The following IL1R2 variants were observed in gnomAD, a reference collection of about 807,000 sequenced individuals.
IL1R2 encodes interleukin-1 receptor type 2.
Under a neutral mutation model 39.5 loss-of-function variants are expected in IL1R2, and 46 were observed. The ratio of observed to expected loss-of-function variants is 1.16; its 90% CI spans 0.92 to 1.49. IL1R2 has a LOEUF of 1.49. Among genes scored for constraint, IL1R2 ranks in the 40% most tolerant of loss-of-function variants. The pLI, the probability that IL1R2 is intolerant of heterozygous loss-of-function variation, is 0.00. For missense variants in IL1R2, 537 were observed against 502.0 expected, an observed-to-expected ratio of 1.07 and a Z score of -0.67; for synonymous variants, 207 against 189.6, an observed-to-expected ratio of 1.09 and a Z score of -0.75.
chr2:102,008,311 T>C (rs1676389597), intron 1 of IL1R2, among the ~76,000 whole-genome samples: 1 of 152,240 alleles, frequency 6.6e-6, no homozygotes, highest in Non-Finnish European at 1.5e-5. Flanking sequence ...CTCTAGGTGC[T>C]ACAAGGATTC....
intron 1 of IL1R2, among the ~76,000 whole-genome samples, chr2:101,995,741 A>T (rs1344902811): frequency 6.6e-6 from 1 of 152,202 alleles, no homozygotes; most frequent in African/African-American, 2.4e-5. Context: ...CAGCATCGTC[A>T]TGGGTTAACT....
At chr2:101,993,727 T>C (rs1017386189) in intron 1 of IL1R2, among the ~76,000 whole-genome samples, 6 of 152,182 alleles carry the variant, frequency 3.9e-5, no homozygotes, top group African/African-American at 1.4e-4. Flanking sequence ...TTCTCTTTAA[T>C]TGCATTCCCT....
intron 2 of IL1R2, 63 bp downstream of exon 2, chr2:102,008,705 A>G: frequency 1.4e-6 from 2 of 1,400,888 alleles, no homozygotes; most frequent in South Asian, 2.3e-5. Flanking sequence ...GAAAGATGTT[A>G]TCTAGAGAAG....
chr2:102,020,448 A>C (rs1227992470), intron 5 of IL1R2, among the ~76,000 whole-genome samples: 1 of 152,204 alleles, frequency 6.6e-6, no homozygotes, highest in Non-Finnish European at 1.5e-5. Flanking sequence ...ACCATGTGTA[A>C]ATCCTGGACT....
At chr2:102,026,407 A>T (rs964860936) in intron 8 of IL1R2, among the ~76,000 whole-genome samples, 154 bp downstream of exon 8, 13 of 152,180 alleles carry the variant, frequency 8.5e-5, no homozygotes, top group African/African-American at 2.9e-4. Context: ...CCCATTTTTA[A>T]AGAGTTTTGG....
chr2:102,017,991 TA>T (rs1403657543), intron 4 of IL1R2, among the ~76,000 whole-genome samples: 3 of 152,252 alleles, frequency 2.0e-5, no homozygotes, highest in African/African-American at 7.2e-5. Context: ...ACAGCATCTC[TA>T]TATAGGATAT....
intron 5 of IL1R2, among the ~76,000 whole-genome samples, chr2:102,021,059 A>G (rs1250702291): frequency 1.3e-5 from 2 of 152,140 alleles, no homozygotes; most frequent in African/African-American, 4.8e-5. Context: ...TGGATGCCCC[A>G]GCTCCATAGG....
At chr2:101,994,763 G>A (rs1202249429) in intron 1 of IL1R2, among the ~76,000 whole-genome samples, 1 of 152,226 alleles carries the variant, frequency 6.6e-6, no homozygotes, top group Non-Finnish European at 1.5e-5. Flanking sequence ...ATATGTGGCT[G>A]ATTCTGATTC....
At chr2:101,997,946 C>A (rs1301198511) in intron 1 of IL1R2, among the ~76,000 whole-genome samples, 1 of 152,186 alleles carries the variant, frequency 6.6e-6, no homozygotes, top group Non-Finnish European at 1.5e-5. Context: ...TCTACTGACA[C>A]TTCCTACCAG....
intron 1 of IL1R2, among the ~76,000 whole-genome samples, chr2:102,000,394 A>G (rs1326622252): frequency 1.3e-5 from 2 of 152,184 alleles, no homozygotes; most frequent in South Asian, 2.1e-4. Context: ...CTGTCCAGGT[A>G]CACTGTGCTC....
At chr2:102,026,035 GTT>G (rs1330387862) in intron 7 of IL1R2, 74 bp from the exon 8 acceptor site, 11 of 1,181,458 alleles carry the variant, frequency 9.3e-6, no homozygotes, top group African/African-American at 1.5e-5. Flanking sequence ...AAAGGAGAGT[GTT>G]TAGATGTCTA....
At chr2:102,019,524 C>T in intron 4 of IL1R2, 114 bp from the exon 5 acceptor site, 1 of 763,142 alleles carries the variant, frequency 1.3e-6, no homozygotes. Context: ...AAAGTAAATA[C>T]CAGGACAATT....
In IL1R2 at chr2:102,008,564, T is replaced by G. The variant is rs777319538; in HGVS notation, c.-12T>G. 25 of 1,613,328 alleles carry G rather than the reference T, an allele frequency of 1.5e-5. No homozygotes were observed. Among genetic ancestry groups the G allele is most frequent in the Middle Eastern group, 1.6e-4 (1 of 6,066 alleles). On this transcript the variant is annotated 5_prime_UTR_variant, in exon 2 of 9. Coordinates refer to ENST00000332549, the MANE Select transcript of IL1R2 (RefSeq NM_004633.4). ...CTCCACTTCCCGTGTCCTCTGGAAG[T>G]TGTCAGGAGCAATGTTGCGCTTGTA...
rs375661356 is a variant in IL1R2, at chr2:102,022,234, A to G, written c.736A>G (p.Ile246Val). 19 of 1,613,724 alleles carry G rather than the reference A, an allele frequency of 1.2e-5. No individual in the cohort carries two copies. In the South Asian group the frequency reaches 2.0e-4, roughly 17 times the overall value. Residue 246 changes from isoleucine to valine, a missense_variant, in exon 6 of 9, where the codon ATA (isoleucine) becomes GTA (valine). Coordinates refer to ENST00000332549, the MANE Select transcript of IL1R2 (RefSeq NM_004633.4). Reference protein sequence around the residue: ...IPVIISPLKTISASLGSRLTI... With the variant: ...IPVIISPLKTVSASLGSRLTI... ...TGTGATCATTTCCCCCCTCAAGACC[A>G]TATCAGCTTCTCTGGGTAAGGCCCA... is the stretch of plus-strand genomic sequence containing the variant.
intron 1 of IL1R2, among the ~76,000 whole-genome samples, chr2:101,999,472 C>G (rs1440818283): frequency 6.6e-6 from 1 of 152,188 alleles, no homozygotes; most frequent in Non-Finnish European, 1.5e-5. Context: ...ATGGGGACTT[C>G]GGCAAGAGAG....
chr2:102,000,076 C>T (rs186897092), intron 1 of IL1R2, among the ~76,000 whole-genome samples: 4 of 152,258 alleles, frequency 2.6e-5, no homozygotes, highest in East Asian at 1.9e-4. Flanking sequence ...AGCAGGAATT[C>T]GGCAGAATGC....
chr2:102,003,810 G>GCCTGTGC (rs142425323), intron 1 of IL1R2, among the ~76,000 whole-genome samples: 1 of 115,618 alleles, frequency 8.6e-6, no homozygotes, highest in African/African-American at 3.8e-5. Context: ...CTGTGGCTGT[G>GCCTGTGC]CTGTGTCTGT....
chr2:101,993,062 G>A (rs955704674), intron 1 of IL1R2, among the ~76,000 whole-genome samples: 5 of 152,152 alleles, frequency 3.3e-5, no homozygotes, highest in Non-Finnish European at 7.4e-5. Context: ...ACTGAGACCC[G>A]TTTCTACCGC....
intron 3 of IL1R2, among the ~76,000 whole-genome samples, chr2:102,013,101 C>T (rs3218879): frequency 0.16 from 24,299 of 151,988 alleles, 2,271 homozygotes; most frequent in East Asian, 0.29. Flanking sequence ...TGAGACTGTG[C>T]AAAAATCAGG....
Sources: gnomAD v4.1 joint callset for allele counts (sites outside exome capture counted in the v4.1 genomes callset) on GRCh38, gnomAD v4.1.1 for gene constraint, MANE v1.5 for transcripts, NCBI Gene and HGNC (gene_info 2026-07-23, HGNC 2026-07-21) for gene names.